Variants in GSK3B observed in about 807,000 individuals in gnomAD.
GSK3B encodes the protein glycogen synthase kinase 3 beta, also known as glycogen synthase kinase-3 beta.
In GSK3B, 15 loss-of-function variants were observed where a neutral mutation model predicts 56.4. The observed-to-expected ratio is 0.27, with a 90% confidence interval of 0.18 to 0.41. The LOEUF (loss-of-function observed/expected upper bound fraction) is 0.41, where lower values mean the gene tolerates loss of function less well. Ranked by LOEUF, GSK3B falls within the 10% of genes least tolerant of loss-of-function variation. The pLI is 1.00. For missense variants in GSK3B, 300 were observed against 513.4 expected (o/e 0.58, Z 4.02); for synonymous variants, 181 against 188.9 (o/e 0.96, Z 0.34).
At chr3:119,860,310 A>C (rs1476444204) in intron 9 of GSK3B, among the ~76,000 whole-genome samples, 2 of 152,198 alleles carry the variant, frequency 1.3e-5, no homozygotes, top group African/African-American at 4.8e-5. Context: ...TGACAGGAAG[A>C]AATAGAAAGA....
chr3:120,071,840 G>A (rs1429698131), intron 1 of GSK3B, among the ~76,000 whole-genome samples: 1 of 152,178 alleles, frequency 6.6e-6, no homozygotes, highest in Admixed American at 6.5e-5. Context: ...TGCCAAGAAG[G>A]TTTGGGACCA....
intron 1 of GSK3B, among the ~76,000 whole-genome samples, chr3:120,092,545 G>A (rs146377943): frequency 2.0e-4 from 30 of 152,274 alleles, no homozygotes; most frequent in African/African-American, 6.7e-4. Flanking sequence ...TTGGCACTAT[G>A]ACAAAACAAA....
intron 2 of GSK3B, among the ~76,000 whole-genome samples, chr3:119,984,758 G>C (rs1436824830): frequency 6.6e-6 from 1 of 151,934 alleles, no homozygotes; most frequent in Non-Finnish European, 1.5e-5. Context: ...AGGACCAGAG[G>C]TACAAAGAGG....
At chr3:119,973,671 A>G (rs1412373226) in intron 2 of GSK3B, among the ~76,000 whole-genome samples, 1 of 152,244 alleles carries the variant, frequency 6.6e-6, no homozygotes, top group Non-Finnish European at 1.5e-5. Context: ...CCACATTCAT[A>G]TAACTTTTTT....
At chr3:119,843,651 C>A (rs1577310016) in intron 9 of GSK3B, 1 of 173,824 alleles carries the variant, frequency 5.8e-6, no homozygotes, top group African/African-American at 2.4e-5. Flanking sequence ...GCACCCAATA[C>A]AGGAGCATCC....
chr3:120,016,159 G>A (rs1444507752), intron 1 of GSK3B, among the ~76,000 whole-genome samples: 1 of 152,146 alleles, frequency 6.6e-6, no homozygotes, highest in Non-Finnish European at 1.5e-5. Context: ...TTTACAGTTT[G>A]CAAGCACCAC....
intron 3 of GSK3B, among the ~76,000 whole-genome samples, chr3:119,926,961 A>G (rs963184892): frequency 6.6e-6 from 1 of 152,154 alleles, no homozygotes; most frequent in African/African-American, 2.4e-5. Context: ...GACTCTTACC[A>G]TTGTATAACC....
At chr3:120,042,542 G>A (rs920468815) in intron 1 of GSK3B, among the ~76,000 whole-genome samples, 1 of 152,298 alleles carries the variant, frequency 6.6e-6, no homozygotes, top group East Asian at 1.9e-4. Context: ...ATTAATCAGA[G>A]ATGCCTCTAA....
chr3:120,080,328 C>T (rs988451686), intron 1 of GSK3B, among the ~76,000 whole-genome samples: 1 of 148,616 alleles, frequency 6.7e-6, no homozygotes, highest in Non-Finnish European at 1.5e-5. Flanking sequence ...AGAAGGAAGA[C>T]GAAGGAAGAA....
At chr3:119,936,945 T>G (rs969166300) in intron 3 of GSK3B, among the ~76,000 whole-genome samples, 4 of 152,044 alleles carry the variant, frequency 2.6e-5, no homozygotes, top group African/African-American at 7.3e-5. Flanking sequence ...CACATTATTT[T>G]GCACCTGAGC....
intron 4 of GSK3B, among the ~76,000 whole-genome samples, chr3:119,920,606 C>T (rs2056830441): frequency 6.6e-6 from 1 of 152,156 alleles, no homozygotes; most frequent in Non-Finnish European, 1.5e-5. Context: ...ATGGGTAAAA[C>T]TGAGCTGTGC....
rs921570887 is a variant in GSK3B, at chr3:119,918,725, A to AT, written c.478-2552dup. Among the ~76,000 whole-genome samples the AT allele has an allele frequency of 3.3e-5, 5 of 152,118 alleles. No homozygotes were observed. The South Asian group carries it at 6.2e-4, about 19-fold the overall frequency. On this transcript the variant is annotated intron_variant, in intron 4 of 10. Transcript: ENST00000264235. ...AAGATATTGAGGTTCAATGAAAACA[A>AT]TTTTTTTTATTTTTCATTTTATTCA...
At chr3:119,927,109 T>A (rs1441509373) in intron 3 of GSK3B, among the ~76,000 whole-genome samples, 1 of 152,248 alleles carries the variant, frequency 6.6e-6, no homozygotes, top group African/African-American at 2.4e-5. Flanking sequence ...AGTAAATATT[T>A]GCTGACTAAA....
chr3:120,079,637 C>A (rs1049469107), intron 1 of GSK3B, among the ~76,000 whole-genome samples: 3 of 152,086 alleles, frequency 2.0e-5, no homozygotes, highest in Non-Finnish European at 4.4e-5. Context: ...TCAAGTGATC[C>A]ACCCATCTCA....
rs36165954 is a variant in GSK3B, at chr3:119,984,395, T to TA, written c.282+17650dup. On this transcript the variant is annotated intron_variant, in intron 2 of 10. Coordinates refer to ENST00000264235, the MANE Select transcript of GSK3B (RefSeq NM_001146156.2). Reference sequence around the variant, plus strand: ...AGGAGATAGAGACACAGAAAAACCTTAAAAAAAAAAAAAAATCAATGAATC... The same window carrying TA: ...AGGAGATAGAGACACAGAAAAACCTTAAAAAAAAAAAAAAAATCAATGAATC... Among the ~76,000 whole-genome samples, 186 of 142,012 alleles carry TA rather than the reference T, an allele frequency of 1.3e-3. 1 individual carries two copies. Among genetic ancestry groups the TA allele is most frequent in the East Asian group, 0.012 (60 of 4,910 alleles). The allele number at this position is 142,012 out of a possible 152,430, so 93.2% of individuals were successfully genotyped here. A position where few individuals can be genotyped will look rare whatever the true frequency, so the allele number is the denominator to read the frequency against.
intron 1 of GSK3B, among the ~76,000 whole-genome samples, chr3:120,072,850 C>T (rs115786620): frequency 6.6e-6 from 1 of 152,154 alleles, no homozygotes; most frequent in African/African-American, 2.4e-5. Flanking sequence ...GAAGTGTTAA[C>T]ACTTCTGTTC....
chr3:119,952,859 G>A (rs916813277), intron 2 of GSK3B, among the ~76,000 whole-genome samples: 4 of 151,834 alleles, frequency 2.6e-5, no homozygotes, highest in African/African-American at 9.7e-5. Flanking sequence ...CAAGTACCTT[G>A]AGCTAAAAGA....
intron 9 of GSK3B, among the ~76,000 whole-genome samples, chr3:119,862,209 T>C (rs558403051): frequency 2.6e-4 from 39 of 147,606 alleles, no homozygotes; most frequent in African/African-American, 9.5e-4. Context: ...AAATGATGAG[T>C]TCATATCCTT....
rs1261021722 is a variant in GSK3B at position 120,094,168 on chromosome 3, G to C, written c.-734C>G. On this transcript the variant is annotated 5_prime_UTR_variant, in exon 1 of 11. Coordinates refer to ENST00000264235, the MANE Select transcript of GSK3B (RefSeq NM_001146156.2). ...GACCCCAGGCAGCGGCTCCTCGACT[G>C]TTCCCCATTCGCCGGGGACATGGGA... 4.4e-6 allele frequency: 1 copy of C among 229,786 alleles called. No homozygotes were observed. Among genetic ancestry groups the C allele is most frequent in the African/African-American group, 2.2e-5 (1 of 44,638 alleles). 14.2% of individuals were successfully genotyped at this position (229,786 alleles called of 1,614,324 possible). A position where few individuals can be genotyped will look rare whatever the true frequency, so the allele number is the denominator to read the frequency against.
Sources: gnomAD v4.1 joint callset for allele counts (sites outside exome capture counted in the v4.1 genomes callset) on GRCh38, gnomAD v4.1.1 for gene constraint, MANE v1.5 for transcripts, NCBI Gene and HGNC (gene_info 2026-07-23, HGNC 2026-07-21) for gene names.